CRACDL: variants seen among roughly 807,000 people sequenced by gnomAD.
The protein encoded by CRACDL is CRACD-like protein.
A neutral mutation model predicts 70.6 loss-of-function variants in CRACDL; 26 were observed. The ratio of observed to expected loss-of-function variants is 0.37; its 90% CI spans 0.27 to 0.51. The LOEUF (loss-of-function observed/expected upper bound fraction) is 0.51. Ranked by LOEUF, CRACDL falls within the 20% of genes least tolerant of loss-of-function variation. CRACDL has a pLI of 0.94. For missense variants in CRACDL, 1,283 were observed against 1,376.9 expected, an observed-to-expected ratio of 0.93 and a Z score of 1.08; for synonymous variants, 618 against 615.2, an observed-to-expected ratio of 1.00 and a Z score of -0.07.
chr2:98,818,640 T>C (rs1704893231), intron 7 of CRACDL, among the ~76,000 whole-genome samples: 1 of 152,232 alleles, frequency 6.6e-6, no homozygotes, highest in Non-Finnish European at 1.5e-5. Flanking sequence ...CTGTATGTTT[T>C]ATGTGAACTG....
At chr2:98,913,266 C>T (rs780590772) in intron 1 of CRACDL, among the ~76,000 whole-genome samples, 6 of 152,164 alleles carry the variant, frequency 3.9e-5, no homozygotes, top group Admixed American at 2.6e-4. Context: ...GTCTGTAACC[C>T]ACTTGTAAAG....
At position 98,869,306 on chromosome 2, in the gene CRACDL, G is replaced by C. The variant is rs927053865; in HGVS notation, c.-10-22496C>G. 7.4e-6 allele frequency: 9 copies of C among 1,209,370 alleles called. No individual in the cohort carries two copies. The African/African-American group carries it at 1.3e-4, about 17-fold the overall frequency. 74.9% of individuals were successfully genotyped at this position (1,209,370 alleles called of 1,614,324 possible). A position where few individuals can be genotyped will look rare whatever the true frequency, so the allele number is the denominator to read the frequency against. ...CAGGAGGAAGTGGGGCTTCTGCCAA[G>C]CCCAGCCCTCCTGTGCCCCGTGAGC... On this transcript the variant is annotated intron_variant, in intron 1 of 9. Coordinates refer to ENST00000397899, the MANE Select transcript of CRACDL (RefSeq NM_207362.3).
chr2:98,885,545 G>T (rs971934063), intron 1 of CRACDL, among the ~76,000 whole-genome samples: 4 of 152,150 alleles, frequency 2.6e-5, no homozygotes, highest in Admixed American at 6.5e-5. Flanking sequence ...GACTGACAGG[G>T]TGTGGTATGA....
intron 1 of CRACDL, among the ~76,000 whole-genome samples, chr2:98,880,339 T>G (rs942061794): frequency 6.6e-6 from 1 of 152,218 alleles, no homozygotes; most frequent in African/African-American, 2.4e-5. Context: ...CAAGGCATGA[T>G]GATGATGGCA....
chr2:98,889,213 G>A, intron 1 of CRACDL, among the ~76,000 whole-genome samples: 1 of 146,814 alleles, frequency 6.8e-6, no homozygotes. Context: ...AGGAAGGAAG[G>A]GGAAGGAAGG....
intron 1 of CRACDL, among the ~76,000 whole-genome samples, chr2:98,869,598 C>A (rs1343756219): frequency 6.6e-6 from 1 of 152,194 alleles, no homozygotes; most frequent in Admixed American, 6.5e-5. Context: ...AAGAGGAATG[C>A]TGAGAAAATC....
rs969916435 is a variant in CRACDL, at chr2:98,823,882, A to G, written c.736-345T>C. Among the ~76,000 whole-genome samples the G allele has an allele frequency of 2.6e-5, 4 of 152,206 alleles. No individual in the cohort carries two copies. Among genetic ancestry groups the G allele is most frequent in the African/African-American group, 9.6e-5 (4 of 41,454 alleles). ...TGCTCCCACACTTGTTATTTCATTT[A>G]ATCTTCCATTCATCCCAGTGAGGAA... On this transcript the variant is annotated intron_variant, in intron 6 of 9. Transcript: ENST00000397899. The surrounding 1 kb of genome is among the most constrained non-coding windows in gnomAD (Gnocchi z 4.0).
intron 1 of CRACDL, among the ~76,000 whole-genome samples, chr2:98,917,656 G>A (rs921634261): frequency 2.0e-5 from 3 of 152,108 alleles, no homozygotes; most frequent in Admixed American, 6.5e-5. Context: ...TTTTAAAAAT[G>A]TGTATACATT....
intron 1 of CRACDL, among the ~76,000 whole-genome samples, chr2:98,920,668 G>A (rs556701227): frequency 1.3e-5 from 2 of 152,204 alleles, no homozygotes; most frequent in Middle Eastern, 3.4e-3. Context: ...CTGTGGAAAC[G>A]GGTCTCACTC....
chr2:98,854,208 G>T (rs1359917662), intron 1 of CRACDL, among the ~76,000 whole-genome samples: 1 of 147,490 alleles, frequency 6.8e-6, no homozygotes, highest in Non-Finnish European at 1.5e-5. Flanking sequence ...GTGAACCCGG[G>T]AGGCAGAAGT....
intron 1 of CRACDL, among the ~76,000 whole-genome samples, chr2:98,933,366 G>A (rs1209930397): frequency 6.6e-6 from 1 of 152,190 alleles, no homozygotes; most frequent in Non-Finnish European, 1.5e-5. Flanking sequence ...AACGTGGAAA[G>A]ACTGAGAGAC....
chr2:98,847,890 C>T (rs1035131255), intron 1 of CRACDL, among the ~76,000 whole-genome samples: 3 of 152,142 alleles, frequency 2.0e-5, no homozygotes, highest in African/African-American at 7.2e-5. Flanking sequence ...AAAGGATTTG[C>T]GGGTGTGTGC....
chr2:98,882,751 G>A (rs550518102), intron 1 of CRACDL, among the ~76,000 whole-genome samples: 43 of 152,116 alleles, frequency 2.8e-4, no homozygotes, highest in African/African-American at 9.9e-4. Context: ...TGAACCCCCC[G>A]ATTCCACACG....
At chr2:98,919,988 A>G (rs1708762652) in intron 1 of CRACDL, among the ~76,000 whole-genome samples, 1 of 152,182 alleles carries the variant, frequency 6.6e-6, no homozygotes, top group Non-Finnish European at 1.5e-5. Context: ...TCCTGGCCTC[A>G]AGCGATCCTC....
chr2:98,926,877 C>T (rs1435331489), intron 1 of CRACDL, among the ~76,000 whole-genome samples: 4 of 152,204 alleles, frequency 2.6e-5, no homozygotes, highest in African/African-American at 4.8e-5. Flanking sequence ...GCAGAGAGAG[C>T]GAAGATTCTC....
chr2:98,892,207 TCA>T (rs1294599899), intron 1 of CRACDL, among the ~76,000 whole-genome samples: 3 of 152,230 alleles, frequency 2.0e-5, no homozygotes, highest in East Asian at 3.9e-4. Flanking sequence ...ACAGAAATAT[TCA>T]CAGAGGCAAA....
intron 7 of CRACDL, among the ~76,000 whole-genome samples, chr2:98,810,480 T>C (rs201764807): frequency 6.6e-6 from 1 of 151,922 alleles, no homozygotes; most frequent in East Asian, 1.9e-4. Context: ...AGGGAGGAGG[T>C]ACTGTAGGTG....
intron 1 of CRACDL, among the ~76,000 whole-genome samples, chr2:98,934,723 A>G (rs1338760735): frequency 6.6e-6 from 1 of 152,232 alleles, no homozygotes; most frequent in Non-Finnish European, 1.5e-5. Flanking sequence ...TACTCACTAC[A>G]GGCACAAAAT....
intron 1 of CRACDL, among the ~76,000 whole-genome samples, chr2:98,890,296 C>T (rs529222203): frequency 2.7e-4 from 41 of 152,134 alleles, no homozygotes; most frequent in South Asian, 4.2e-4. Context: ...GCTCAAATTA[C>T]GGAAATTAAG....
Sources: gnomAD v4.1 joint callset for allele counts (sites outside exome capture counted in the v4.1 genomes callset) on GRCh38, gnomAD v4.1.1 for gene constraint, Gnocchi (gnomAD v3.1) non-coding constraint, MANE v1.5 for transcripts, NCBI Gene and HGNC (gene_info 2026-07-23, HGNC 2026-07-21) for gene names.